The following COQ6 variants were observed in gnomAD, a reference collection of about 807,000 sequenced individuals.
The protein encoded by COQ6 is ubiquinone biosynthesis monooxygenase COQ6, mitochondrial.
A neutral mutation model predicts 55.5 loss-of-function variants in COQ6; 45 were observed. That is an observed-to-expected ratio of 0.81 (90% CI 0.64 to 1.04). The LOEUF (loss-of-function observed/expected upper bound fraction) is 1.04, where lower values mean the gene tolerates loss of function less well. Ranked by LOEUF, COQ6 falls within the 50% of genes least tolerant of loss-of-function variation. The pLI, the probability that COQ6 is intolerant of heterozygous loss-of-function variation, is 0.00. For missense variants in COQ6, 550 were observed against 601.3 expected, an observed-to-expected ratio of 0.91 and a Z score of 0.89; for synonymous variants, 206 against 230.5, an observed-to-expected ratio of 0.89 and a Z score of 0.96.
In COQ6 at chr14:73,955,555, T is replaced by A. The variant is rs781576819; in HGVS notation, c.357+46T>A. ...TTTTGTCAAGATGTCTTGGTCTGTCTTAAGATATCGGAGTCCACTTTCTCC... is the reference window on the plus strand; with the variant it reads ...TTTTGTCAAGATGTCTTGGTCTGTCATAAGATATCGGAGTCCACTTTCTCC... On this transcript the variant is annotated intron_variant, in intron 3 of 11. Coordinates refer to ENST00000334571, the MANE Select transcript of COQ6 (RefSeq NM_182476.3). 9.0e-6 allele frequency: 14 copies of A among 1,563,904 alleles called. No homozygotes were observed. The East Asian group carries it at 2.9e-4, about 32-fold the overall frequency.
Position 73,963,007 on chromosome 14 carries a change from T to C in COQ6, c.*8T>C. On this transcript the variant is annotated 3_prime_UTR_variant, in exon 12 of 12. Coordinates refer to ENST00000334571, the MANE Select transcript of COQ6 (RefSeq NM_182476.3). Reference sequence around the variant, plus strand: ...GCCTTTGCAAGCAAATGAGTACTCCTCTCCTAAAGAAAGATTACGTTGATG... The same window carrying C: ...GCCTTTGCAAGCAAATGAGTACTCCCCTCCTAAAGAAAGATTACGTTGATG... 1.2e-6 allele frequency: 2 copies of C among 1,603,592 alleles called. No individual in the cohort carries two copies. The highest frequency in any genetic ancestry group is 1.7e-6 in the Non-Finnish European group (2 of 1,170,470).
At chr14:73,953,824 T>A (rs1171003538) in intron 2 of COQ6, 2 of 508,852 alleles carry the variant, frequency 3.9e-6, no homozygotes, top group Non-Finnish European at 7.1e-6. Context: ...ACTTGTGATG[T>A]TGTGTCATTA....
At position 73,961,237 on chromosome 14, in the gene COQ6, G is replaced by A; in HGVS notation, c.956G>A (p.Ser319Asn). ...GGTGCCATGCTGCAGTATGCTGTCA[G>A]CCTTCTGAAGCCCACTAAGGTCTCG... ...TAGAMLQYAV[S>N]LLKPTKVSAR... Residue 319 changes from serine (S) to asparagine (N), a missense_variant, in exon 9 of 12, where the codon AGC becomes AAC. Ser to Asn is a conservative substitution (Grantham distance 46, BLOSUM62 1). Coordinates refer to ENST00000334571, the MANE Select transcript of COQ6 (RefSeq NM_182476.3). 6.2e-7 allele frequency: 1 copy of A among 1,614,166 alleles called. No homozygotes were observed. The highest frequency in any genetic ancestry group is 8.5e-7 in the Non-Finnish European group (1 of 1,179,998).
chr14:73,958,733 G>C (rs974030686), intron 5 of COQ6: 200 of 1,419,950 alleles, frequency 1.4e-4, no homozygotes, highest in Non-Finnish European at 1.8e-4. Flanking sequence ...GGAGGGCCTG[G>C]CTGAGTTTAA....
intron 11 of COQ6, chr14:73,962,636 C>T: frequency 4.1e-6 from 1 of 243,646 alleles, no homozygotes; most frequent in Non-Finnish European, 7.9e-6. Context: ...AGTTTCATCC[C>T]TGAGAACTTC....
rs937709602 is a variant in COQ6 at position 73,963,519 on chromosome 14, T to A, written c.*520T>A. On this transcript the variant is annotated 3_prime_UTR_variant, in exon 12 of 12. Transcript: ENST00000334571. ...GAAAACCAGGTCTCATTAATGCTAGTTATTACTTTATCACAGCACCAGATT... is the reference window on the plus strand; with the variant it reads ...GAAAACCAGGTCTCATTAATGCTAGATATTACTTTATCACAGCACCAGATT... The A allele has an allele frequency of 3.6e-5, 6 of 167,424 alleles. No individual in the cohort carries two copies. In the South Asian group the frequency reaches 9.3e-4, roughly 26 times the overall value. The allele number at this position is 167,424 out of a possible 1,614,324, so 10.4% of individuals were successfully genotyped here.
chr14:73,960,950 A>G (rs2056692869), intron 8 of COQ6: 1 of 632,434 alleles, frequency 1.6e-6, no homozygotes, highest in Admixed American at 2.4e-5. Flanking sequence ...GCTCAGAAGT[A>G]GGCAGGGGCC....
chr14:73,957,983 T>C (rs1222947631), intron 4 of COQ6, 164 bp from the exon 5 acceptor site: 1 of 674,818 alleles, frequency 1.5e-6, no homozygotes, highest in East Asian at 2.7e-5. Flanking sequence ...CTGTGGCTTC[T>C]GTCATTTATT....
At chr14:73,961,416 G>T in intron 9 of COQ6, 39 bp from the exon 10 acceptor site, 1 of 1,614,126 alleles carries the variant, frequency 6.2e-7, no homozygotes, top group Non-Finnish European at 8.5e-7. Context: ...TTCTCACTTT[G>T]CTGCCAGAGG....
At chr14:73,951,693 G>GTT (rs34453740) in intron 1 of COQ6, among the ~76,000 whole-genome samples, 2,331 of 143,188 alleles carry the variant, frequency 0.016, 26 homozygotes, top group Non-Finnish European at 0.027. Context: ...TAATATTAGT[G>GTT]TTTTTTTATA....
chr14:73,963,197 C>T lies in COQ6; in HGVS notation c.*198C>T, dbSNP rs906210256. ...CTGTGAGGAGCGTATATTAGCCAGA[C>T]CAAAGGAAAAAACTTCGAAGGAAGA... On this transcript the variant is annotated 3_prime_UTR_variant, in exon 12 of 12. Transcript: ENST00000334571. The T allele has an allele frequency of 1.6e-6, 1 of 613,948 alleles. No individual in the cohort carries two copies. 38.0% of individuals were successfully genotyped at this position (613,948 alleles called of 1,614,324 possible). A position where few individuals can be genotyped will look rare whatever the true frequency, so the allele number is the denominator to read the frequency against.
At chr14:73,949,952 C>T (rs757525578), upstream of COQ6, 1 of 1,612,688 alleles carries the variant, frequency 6.2e-7, no homozygotes, top group South Asian at 1.1e-5. Flanking sequence ...TTCCCGGGGG[C>T]AGTCTCTTTT....
rs1425202770 is a variant in COQ6 at position 73,958,812 on chromosome 14, A to T, written c.613-159A>T. On this transcript the variant is annotated intron_variant, in intron 5 of 11. Transcript: ENST00000334571. ...TTGGCTGAGGCTGATGTGACAGTGC[A>T]GGGGCTCCACCTCTAGGGGCTGTGA... The T allele has an allele frequency of 2.0e-6, 3 of 1,524,812 alleles. No individual in the cohort carries two copies. The African/African-American group carries it at 4.1e-5, about 21-fold the overall frequency. The allele number at this position is 1,524,812 out of a possible 1,614,324, so 94.5% of individuals were successfully genotyped here.
chr14:73,962,814 C>T, intron 11 of COQ6, 156 bp from the exon 12 acceptor site: 1 of 654,432 alleles, frequency 1.5e-6, no homozygotes, highest in South Asian at 1.9e-5. Flanking sequence ...GAGACCCTGT[C>T]TCTAAAACGT....
intron 2 of COQ6, chr14:73,953,930 A>G: frequency 2.9e-6 from 1 of 340,396 alleles, no homozygotes; most frequent in Non-Finnish European, 5.6e-6. Flanking sequence ...CTAGCAAGCT[A>G]GGGAGCTTAC....
chr14:73,950,705 G>A lies in COQ6; in HGVS notation c.163+210G>A, dbSNP rs529923982. On this transcript the variant is annotated intron_variant, in intron 1 of 11. Coordinates refer to ENST00000334571, the MANE Select transcript of COQ6 (RefSeq NM_182476.3). ...GTCAAAAGTGGGAGGGGCGTTCAGA[G>A]TCTGTTCTACTCATGGGAAAACAGG... The A allele has an allele frequency of 6.2e-5, 43 of 689,762 alleles. No homozygotes were observed. The African/African-American group carries it at 6.5e-4, about 10-fold the overall frequency. 42.7% of individuals were successfully genotyped at this position (689,762 alleles called of 1,614,324 possible).
chr14:73,955,061 C>T (rs1594790997), intron 2 of COQ6, among the ~76,000 whole-genome samples: 3 of 150,222 alleles, frequency 2.0e-5, no homozygotes, highest in South Asian at 4.3e-4. Flanking sequence ...AGGCCATTCT[C>T]CTGCCTCAGC....
chr14:73,956,217 A>G, intron 4 of COQ6: 1 of 364,436 alleles, frequency 2.7e-6, no homozygotes, highest in Non-Finnish European at 5.3e-6. Flanking sequence ...AGACCCAGCT[A>G]CTTGGGAGGC....
At chr14:73,950,066 G>C (rs2056124584), upstream of COQ6, 3 of 1,607,294 alleles carry the variant, frequency 1.9e-6, no homozygotes, top group Non-Finnish European at 1.7e-6. Flanking sequence ...GACAGCGATA[G>C]TGGCAGCAGC....
Sources: gnomAD v4.1 joint callset for allele counts (sites outside exome capture counted in the v4.1 genomes callset) on GRCh38, gnomAD v4.1.1 for gene constraint, MANE v1.5 for transcripts, NCBI Gene and HGNC (gene_info 2026-07-23, HGNC 2026-07-21) for gene names.